The following GABRG3 variants were observed in gnomAD, a reference collection of about 807,000 sequenced individuals.
GABRG3 encodes gamma-aminobutyric acid receptor subunit gamma-3.
A neutral mutation model predicts 48.8 loss-of-function variants in GABRG3; 25 were observed. That is an observed-to-expected ratio of 0.51 (90% confidence interval 0.37 to 0.72). The LOEUF is 0.72. Among genes scored for constraint, GABRG3 ranks in the 30% least tolerant of loss-of-function variants. The probability of loss-of-function intolerance (pLI) is 0.00; values close to 1 mark genes in which losing one functional copy is unlikely to be tolerated. For synonymous variants in GABRG3, 227 were observed against 217.6 expected (o/e 1.04, Z -0.38); for missense variants, 394 against 577.9 (o/e 0.68, Z 3.26).
intron 3 of GABRG3, among the ~76,000 whole-genome samples, chr15:27,064,808 C>G (rs904131550): frequency 1.3e-5 from 2 of 152,162 alleles, no homozygotes; most frequent in Non-Finnish European, 1.5e-5. Context: ...GTTAGCAATA[C>G]TTTATGATTT....
At chr15:27,139,457 A>G (rs560902301) in intron 3 of GABRG3, among the ~76,000 whole-genome samples, 242 of 152,276 alleles carry the variant, frequency 1.6e-3, no homozygotes, top group African/African-American at 5.4e-3. Context: ...GATGGGGATC[A>G]TCCTTTCTCC....
intron 5 of GABRG3, among the ~76,000 whole-genome samples, chr15:27,394,290 C>T (rs189811987): frequency 7.2e-5 from 11 of 152,166 alleles, no homozygotes; most frequent in African/African-American, 2.6e-4. Flanking sequence ...TAATCATCAC[C>T]ATAAAGCAAT....
intron 3 of GABRG3, among the ~76,000 whole-genome samples, chr15:27,307,682 G>T (rs1892678082): frequency 8.5e-6 from 1 of 117,334 alleles, no homozygotes; most frequent in Admixed American, 9.2e-5. Context: ...TATAAACATA[G>T]GTTTATGTTT....
At chr15:27,316,112 C>T (rs946388860) in intron 3 of GABRG3, among the ~76,000 whole-genome samples, 11 of 152,056 alleles carry the variant, frequency 7.2e-5, no homozygotes, top group Non-Finnish European at 1.2e-4. Flanking sequence ...GGGCCGGGCG[C>T]GGTGGCTCAC....
chr15:27,143,892 A>T (rs1051794088), intron 3 of GABRG3, among the ~76,000 whole-genome samples: 1 of 152,200 alleles, frequency 6.6e-6, no homozygotes, highest in Non-Finnish European at 1.5e-5. Context: ...AGATAAATAC[A>T]CCTTCGTAGT....
At chr15:27,350,768 C>T (rs1894537484) in intron 5 of GABRG3, among the ~76,000 whole-genome samples, 1 of 152,168 alleles carries the variant, frequency 6.6e-6, no homozygotes, top group South Asian at 2.1e-4. Context: ...CTGGCACTGG[C>T]CTGGGGCGAG....
intron 3 of GABRG3, among the ~76,000 whole-genome samples, chr15:27,290,036 C>A (rs1045835733): frequency 1.3e-5 from 2 of 152,012 alleles, no homozygotes; most frequent in African/African-American, 2.4e-5. Flanking sequence ...GGAAATATAT[C>A]AGAAGACTCT....
intron 5 of GABRG3, among the ~76,000 whole-genome samples, chr15:27,396,085 A>G (rs1285949329): frequency 1.3e-5 from 2 of 152,056 alleles, no homozygotes; most frequent in African/African-American, 4.8e-5. Flanking sequence ...CTGGTCTCGA[A>G]CCCCTGGCCC....
At chr15:27,175,215 T>C (rs1449855037) in intron 3 of GABRG3, among the ~76,000 whole-genome samples, 1 of 152,174 alleles carries the variant, frequency 6.6e-6, no homozygotes, top group Non-Finnish European at 1.5e-5. Context: ...CCACCTGCAA[T>C]GTGGAGCCTG....
chr15:27,389,633 C>T (rs900943306), intron 5 of GABRG3, among the ~76,000 whole-genome samples: 30 of 152,206 alleles, frequency 2.0e-4, no homozygotes, highest in African/African-American at 7.0e-4. Flanking sequence ...CACAGTCTAA[C>T]TCTGATTGGT....
At chr15:27,084,129 C>T (rs997912794) in intron 3 of GABRG3, among the ~76,000 whole-genome samples, 3 of 152,314 alleles carry the variant, frequency 2.0e-5, no homozygotes, top group African/African-American at 7.2e-5. Context: ...AACCACTTTG[C>T]TCACGCTCCA....
chr15:27,231,154 G>A (rs1889785927), intron 3 of GABRG3, among the ~76,000 whole-genome samples: 3 of 151,706 alleles, frequency 2.0e-5, no homozygotes, highest in Admixed American at 2.0e-4. Context: ...ACGTTTTTAG[G>A]TACATACATA....
chr15:27,236,277 T>C lies in GABRG3; in HGVS notation c.271-90532T>C, dbSNP rs561990356. 2.4e-4 allele frequency among the ~76,000 whole-genome samples: 37 copies of C among 152,316 alleles called. No individual in the cohort carries two copies. The highest frequency in any genetic ancestry group is 3.7e-4 in the Non-Finnish European group (25 of 68,028). On this transcript the variant is annotated intron_variant, in intron 3 of 9. Transcript: ENST00000615808. The surrounding 1 kb of genome is among the most constrained non-coding windows in gnomAD (Gnocchi z 4.4). ...TGAAGTCCCTCAGTCTCCCAGGGTC[T>C]ACTTGCACAGCACTGGAGGGAGACT... is the stretch of plus-strand genomic sequence containing the variant.
intron 3 of GABRG3, among the ~76,000 whole-genome samples, chr15:27,193,894 G>T (rs1888414634): frequency 6.6e-6 from 1 of 152,052 alleles, no homozygotes; most frequent in Admixed American, 6.6e-5. Context: ...AATTTAAGCT[G>T]TTTACATTTA....
chr15:27,421,796 C>T (rs964223257), intron 5 of GABRG3, among the ~76,000 whole-genome samples: 6 of 151,810 alleles, frequency 4.0e-5, no homozygotes, highest in African/African-American at 9.7e-5. Flanking sequence ...TCTACCAATA[C>T]TGAGTGTTCT....
At chr15:27,167,636 C>A (rs1887423546) in intron 3 of GABRG3, among the ~76,000 whole-genome samples, 2 of 152,190 alleles carry the variant, frequency 1.3e-5, no homozygotes, top group South Asian at 4.1e-4. Flanking sequence ...CCTGGAGTGT[C>A]CCAGAGGAAA....
Position 26,975,124 on chromosome 15 carries a change from G to A in GABRG3, c.54-1878G>A, listed in dbSNP as rs1386472227. On this transcript the variant is annotated intron_variant, in intron 1 of 9. Coordinates refer to ENST00000615808, the MANE Select transcript of GABRG3 (RefSeq NM_033223.5). This position sits in a 1 kb window ranked among gnomAD's most constrained non-coding sequence, Gnocchi z 4.6. The stretch of plus-strand genomic sequence containing the variant: ...ACTCCTGACCTCAGATGACCCACCC[G>A]CCTTGGCTTCCCAAAGTGTTGGGAT... Among the ~76,000 whole-genome samples, 2 of 151,904 alleles carry A rather than the reference G, an allele frequency of 1.3e-5. No individual in the cohort carries two copies. The highest frequency in any genetic ancestry group is 2.1e-4 in the South Asian group (1 of 4,822).
At chr15:27,141,055 G>A (rs1284244168) in intron 3 of GABRG3, among the ~76,000 whole-genome samples, 3 of 152,074 alleles carry the variant, frequency 2.0e-5, no homozygotes, top group Non-Finnish European at 4.4e-5. Context: ...CAGAAAAGTG[G>A]GTTCAGATGC....
At chr15:27,399,692 T>C (rs1887421403) in intron 5 of GABRG3, among the ~76,000 whole-genome samples, 1 of 152,206 alleles carries the variant, frequency 6.6e-6, no homozygotes, top group African/African-American at 2.4e-5. Flanking sequence ...TAAACCGTCG[T>C]CTGTACTTGC....
Sources: gnomAD v4.1 joint callset for allele counts (sites outside exome capture counted in the v4.1 genomes callset) on GRCh38, gnomAD v4.1.1 for gene constraint, Gnocchi (gnomAD v3.1) non-coding constraint, MANE v1.5 for transcripts, NCBI Gene and HGNC (gene_info 2026-07-23, HGNC 2026-07-21) for gene names.